EDC3: variants seen among roughly 807,000 people sequenced by gnomAD.
EDC3 encodes the protein enhancer of mRNA-decapping protein 3.
A neutral mutation model predicts 41.8 loss-of-function variants in EDC3; 20 were observed. The observed-to-expected ratio is 0.48, with a 90% CI of 0.34 to 0.70. The LOEUF (loss-of-function observed/expected upper bound fraction) is 0.70. Among genes scored for constraint, EDC3 ranks in the 30% least tolerant of loss-of-function variants. The pLI is 0.01. For missense variants in EDC3, 444 were observed against 636.8 expected (o/e 0.70, Z 3.26); for synonymous variants, 206 against 243.2 (o/e 0.85, Z 1.42).
intron 4 of EDC3, among the ~76,000 whole-genome samples, chr15:74,655,531 C>G (rs1279833111): frequency 6.6e-6 from 1 of 152,164 alleles, no homozygotes; most frequent in African/African-American, 2.4e-5. Flanking sequence ...TATACACAGA[C>G]ATCTACAGAA....
intron 4 of EDC3, chr15:74,641,455 C>G (rs2062350650): frequency 1.3e-5 from 2 of 152,692 alleles, no homozygotes; most frequent in African/African-American, 2.4e-5. Flanking sequence ...ATTATATGCA[C>G]CAGTGTCAAC....
At position 74,656,041 on chromosome 15, in the gene EDC3, TG is replaced by T. The variant is rs1393667865; in HGVS notation, c.511del (p.Gln171ArgfsTer9). On this transcript the variant is annotated frameshift_variant, in exon 4 of 7. Coordinates refer to ENST00000315127, the MANE Select transcript of EDC3 (RefSeq NM_025083.5). LOFTEE classifies it high-confidence loss of function. Reference protein sequence around the residue: ...SWSSSSRHPNQATPKKSGLKN... With the variant: ...SWSSSSRHPNXATPKKSGLKN... ...TAAACCACTTTTCTTGGGAGTTGCC[TG>T]ATTTGGGTGCCTGCTACTAGATGAC... 6.2e-7 allele frequency: 1 copy of T among 1,612,108 alleles called. No homozygotes were observed.
chr15:74,676,600 CAA>C (rs1255459817), intron 1 of EDC3, among the ~76,000 whole-genome samples: 10 of 151,964 alleles, frequency 6.6e-5, no homozygotes, highest in Admixed American at 6.6e-4. Flanking sequence ...ACTTCTTAGA[CAA>C]AAGTTATCAA....
chr15:74,674,788 G>A, intron 2 of EDC3, 173 bp downstream of exon 2: 2 of 693,328 alleles, frequency 2.9e-6, no homozygotes, highest in South Asian at 3.7e-5. Context: ...GCCACAACGG[G>A]CAGATTACTT....
At position 74,680,091 on chromosome 15, in the gene EDC3, T is replaced by A. The variant is rs546079634; in HGVS notation, c.-18-4949A>T. ...TCTTAGCTAACATGGTGAAACCCTGTCTCTACTAAAAATACAAAAAATTAG... is the reference window on the plus strand; with the variant it reads ...TCTTAGCTAACATGGTGAAACCCTGACTCTACTAAAAATACAAAAAATTAG... On this transcript the variant is annotated intron_variant, in intron 1 of 6. Coordinates refer to ENST00000315127, the MANE Select transcript of EDC3 (RefSeq NM_025083.5). 7.9e-5 allele frequency among the ~76,000 whole-genome samples: 12 copies of A among 151,464 alleles called. No individual in the cohort carries two copies. In the East Asian group the frequency reaches 2.3e-3, roughly 30 times the overall value.
intron 1 of EDC3, among the ~76,000 whole-genome samples, chr15:74,692,194 C>T (rs1194682890): frequency 6.6e-6 from 1 of 152,096 alleles, no homozygotes; most frequent in Non-Finnish European, 1.5e-5. Flanking sequence ...GCCCATAAAG[C>T]CTTTCATCTG....
At chr15:74,687,298 G>A (rs1282803933) in intron 1 of EDC3, 1 of 152,166 alleles carries the variant, frequency 6.6e-6, no homozygotes, top group Non-Finnish European at 1.5e-5. Context: ...AACTGAGCCA[G>A]TATCATAAAA....
At chr15:74,680,260 CAAAAAAAAAAAAA>C (rs34873831) in intron 1 of EDC3, among the ~76,000 whole-genome samples, 22 of 64,286 alleles carry the variant, frequency 3.4e-4, no homozygotes, top group Non-Finnish European at 5.2e-4. Flanking sequence ...GACTCCATCT[CAAAAAAAAAAAAA>C]AAAAAAAAAA....
intron 1 of EDC3, among the ~76,000 whole-genome samples, chr15:74,690,323 T>C (rs2062992255): frequency 6.6e-6 from 1 of 152,260 alleles, no homozygotes; most frequent in African/African-American, 2.4e-5. Flanking sequence ...AATGGGACTT[T>C]ATCATTATTC....
rs186825997 is a variant in EDC3 at position 74,675,542 on chromosome 15, T to C, written c.-18-400A>G. On this transcript the variant is annotated intron_variant, in intron 1 of 6. Coordinates refer to ENST00000315127, the MANE Select transcript of EDC3 (RefSeq NM_025083.5). ...ATAATGCCACTCTTGCTGATGATGA[T>C]AATAATAATAATAATTAATAATAAT... 5.3e-5 allele frequency among the ~76,000 whole-genome samples: 8 copies of C among 149,828 alleles called. No homozygotes were observed. In the East Asian group the frequency reaches 1.4e-3, roughly 25 times the overall value.
chr15:74,688,906 CAAAAA>C (rs371363056), intron 1 of EDC3, among the ~76,000 whole-genome samples: 1 of 72,140 alleles, frequency 1.4e-5, no homozygotes, highest in Non-Finnish European at 2.9e-5. Flanking sequence ...GATGCTGTCT[CAAAAA>C]AAAAAAAAAA....
At position 74,695,944 on chromosome 15, in the gene EDC3, G is replaced by T; in HGVS notation, c.-83C>A. ...CCAAGCCGACCACTCAACACCAGAG[G>T]ACCCACAGAAGAATTCTCTCCACGC... On this transcript the variant is annotated 5_prime_UTR_variant, in exon 1 of 7. Transcript: ENST00000315127. The T allele has an allele frequency of 6.5e-6, 1 of 152,796 alleles. No individual in the cohort carries two copies. The allele number at this position is 152,796 out of a possible 1,614,324, so 9.5% of individuals were successfully genotyped here. A position where few individuals can be genotyped will look rare whatever the true frequency, so the allele number is the denominator to read the frequency against.
chr15:74,648,993 A>G (rs1158543779), intron 4 of EDC3, among the ~76,000 whole-genome samples: 3 of 151,918 alleles, frequency 2.0e-5, no homozygotes, highest in Non-Finnish European at 4.4e-5. Flanking sequence ...CCTGGCCTCA[A>G]GCAATCCCCC....
intron 1 of EDC3, among the ~76,000 whole-genome samples, chr15:74,687,663 T>G (rs1268146680): frequency 6.6e-6 from 1 of 152,188 alleles, no homozygotes; most frequent in Non-Finnish European, 1.5e-5. Context: ...CATGAGCCAC[T>G]GTGCCTGGCC....
In EDC3 at chr15:74,671,974, G is replaced by T. The variant is rs568878225; in HGVS notation, c.165-200C>A. Among the ~76,000 whole-genome samples, 1 of 152,118 alleles carries T rather than the reference G, an allele frequency of 6.6e-6. No homozygotes were observed. Among genetic ancestry groups the T allele is most frequent in the South Asian group, 2.1e-4 (1 of 4,824 alleles). ...ACACAATGCTAGCCTTTAAAAAGAG[G>T]CTATTGGCCGGGCACGGTGGCTCAC... On this transcript the variant is annotated intron_variant, in intron 2 of 6. Coordinates refer to ENST00000315127, the MANE Select transcript of EDC3 (RefSeq NM_025083.5). This position sits in a 1 kb window ranked among gnomAD's most constrained non-coding sequence, Gnocchi z 4.6.
chr15:74,692,667 GTT>G (rs2063020759), intron 1 of EDC3, among the ~76,000 whole-genome samples: 1 of 152,252 alleles, frequency 6.6e-6, no homozygotes, highest in South Asian at 2.1e-4. Flanking sequence ...ACTAAGCAGG[GTT>G]CATTTCACAA....
intron 4 of EDC3, among the ~76,000 whole-genome samples, chr15:74,654,235 CAG>C (rs1348779142): frequency 2.1e-5 from 3 of 144,276 alleles, no homozygotes; most frequent in Non-Finnish European, 4.5e-5. Flanking sequence ...GCTTGGGCAA[CAG>C]AGTGAGACTT....
intron 6 of EDC3, chr15:74,635,178 A>G: frequency 2.9e-6 from 2 of 691,506 alleles, no homozygotes; most frequent in South Asian, 3.0e-5. Context: ...TGTTCAACGA[A>G]TATTTGTGGA....
At chr15:74,650,917 GA>G (rs1596309476) in intron 4 of EDC3, among the ~76,000 whole-genome samples, 1 of 152,256 alleles carries the variant, frequency 6.6e-6, no homozygotes, top group East Asian at 1.9e-4. Context: ...AGAATCACTT[GA>G]ACTCAGTAGG....
Sources: gnomAD v4.1 joint callset for allele counts (sites outside exome capture counted in the v4.1 genomes callset) on GRCh38, gnomAD v4.1.1 for gene constraint, Gnocchi (gnomAD v3.1) non-coding constraint, MANE v1.5 for transcripts, NCBI Gene and HGNC (gene_info 2026-07-23, HGNC 2026-07-21) for gene names.